The following PALLD variants were observed in gnomAD, a reference collection of about 807,000 sequenced individuals.
PALLD encodes the protein palladin.
Under a neutral mutation model 123.5 loss-of-function variants are expected in PALLD, and 61 were observed. That is an observed-to-expected ratio of 0.49 (90% CI 0.40 to 0.61). The LOEUF (loss-of-function observed/expected upper bound fraction) is 0.61, where lower values mean the gene tolerates loss of function less well. PALLD is among the 20% of genes least tolerant of loss of function. The pLI is 0.00. For missense variants in PALLD, 1,273 were observed against 1,377.0 expected (o/e 0.92, Z 1.20); for synonymous variants, 465 against 496.4 (o/e 0.94, Z 0.84).
chr4:168,808,637 A>C (rs536815026), intron 10 of PALLD, among the ~76,000 whole-genome samples: 85 of 152,336 alleles, frequency 5.6e-4, no homozygotes, highest in Admixed American at 1.6e-3. Flanking sequence ...TTTACAAAAG[A>C]GATTTATTGG....
intron 2 of PALLD, among the ~76,000 whole-genome samples, chr4:168,540,143 G>A (rs879158247): frequency 5.3e-5 from 8 of 152,096 alleles, no homozygotes; most frequent in Non-Finnish European, 5.9e-5. Context: ...TCTGTGCTGC[G>A]ACATGAGCCC....
At chr4:168,761,805 C>T (rs1732973447) in intron 10 of PALLD, among the ~76,000 whole-genome samples, 3 of 151,786 alleles carry the variant, frequency 2.0e-5, no homozygotes, top group South Asian at 2.1e-4. Context: ...GCCACCGTGC[C>T]CGGCAGGAAA....
chr4:168,679,107 G>GGT (rs370032946), intron 3 of PALLD, among the ~76,000 whole-genome samples: 200 of 126,878 alleles, frequency 1.6e-3, no homozygotes, highest in African/African-American at 2.1e-3. Context: ...GTTTATGGTG[G>GGT]GTGTGTGTGT....
At chr4:168,651,239 T>TATTATTAGGCTCA (rs1478014057) in intron 2 of PALLD, among the ~76,000 whole-genome samples, 2 of 152,220 alleles carry the variant, frequency 1.3e-5, no homozygotes, top group Non-Finnish European at 2.9e-5. Context: ...CTCAGTATAC[T>TATTATTAGGCTCA]AGTTATTAGG....
intron 10 of PALLD, among the ~76,000 whole-genome samples, chr4:168,778,525 C>T (rs1463688503): frequency 6.6e-6 from 1 of 152,070 alleles, no homozygotes; most frequent in Non-Finnish European, 1.5e-5. Context: ...CTTGCTGAAT[C>T]CCTTTAGGGC....
chr4:168,640,947 G>A lies in PALLD; in HGVS notation c.909-27243G>A, dbSNP rs550697753. Among the ~76,000 whole-genome samples, 174 of 152,282 alleles carry A rather than the reference G, an allele frequency of 1.1e-3. 1 individual carries two copies. The highest frequency in any genetic ancestry group is 2.0e-3 in the Non-Finnish European group (136 of 68,024). ...TTCCAGGCCGGGCACGGTGGCCTAC[G>A]CCTGTAATCCCAACACTTTGGGAGG... On this transcript the variant is annotated intron_variant, in intron 2 of 21. Coordinates refer to ENST00000505667, the MANE Select transcript of PALLD (RefSeq NM_001166108.2).
At chr4:168,752,904 T>G (rs930404432) in intron 10 of PALLD, among the ~76,000 whole-genome samples, 1 of 151,744 alleles carries the variant, frequency 6.6e-6, no homozygotes, top group South Asian at 2.1e-4. Context: ...TGAGGAGAAA[T>G]TTAGAGAGTG....
intron 2 of PALLD, among the ~76,000 whole-genome samples, chr4:168,547,967 C>T (rs1194092808): frequency 6.9e-6 from 1 of 145,936 alleles, no homozygotes; most frequent in Non-Finnish European, 1.5e-5. Context: ...AAAAAAAAAA[C>T]CTGGGAGGCG....
chr4:168,739,280 C>G (rs994848317), intron 10 of PALLD, among the ~76,000 whole-genome samples: 4 of 152,066 alleles, frequency 2.6e-5, no homozygotes, highest in African/African-American at 9.7e-5. Context: ...TGGATCAGTA[C>G]CCGGTGGTAG....
chr4:168,730,385 T>C (rs1787042049), intron 10 of PALLD, among the ~76,000 whole-genome samples: 1 of 152,326 alleles, frequency 6.6e-6, no homozygotes, highest in East Asian at 1.9e-4. Context: ...ATATTAATCA[T>C]TGGATTTTGG....
intron 2 of PALLD, among the ~76,000 whole-genome samples, chr4:168,654,110 G>A (rs1778328670): frequency 6.6e-6 from 1 of 152,096 alleles, no homozygotes; most frequent in Non-Finnish European, 1.5e-5. Flanking sequence ...TGGCTCATCA[G>A]TGATAATTTT....
rs548874369 is a variant in PALLD, at chr4:168,702,891, T to TTTTATTTA, written c.1502-6121_1502-6114dup. Reference sequence around the variant, plus strand: ...TGTTTTTATTTTATTTATTTATTTATTTTATTTATTTATTTATTTATTTTT... The same window carrying TTTTATTTA: ...TGTTTTTATTTTATTTATTTATTTATTTTATTTATTTATTTATTTATTTATTTATTTTT... On this transcript the variant is annotated intron_variant, in intron 8 of 21. Coordinates refer to ENST00000505667, the MANE Select transcript of PALLD (RefSeq NM_001166108.2). Among the ~76,000 whole-genome samples, 575 of 140,348 alleles carry TTTTATTTA rather than the reference T, an allele frequency of 4.1e-3. 2 individuals carry two copies. Among genetic ancestry groups the TTTTATTTA allele is most frequent in the African/African-American group, 0.015 (548 of 36,676 alleles). 92.1% of individuals were successfully genotyped at this position (140,348 alleles called of 152,430 possible).
At chr4:168,672,657 G>A (rs183585816) in intron 3 of PALLD, among the ~76,000 whole-genome samples, 7 of 151,996 alleles carry the variant, frequency 4.6e-5, no homozygotes, top group South Asian at 2.1e-4. Flanking sequence ...ATGGGGTTTC[G>A]CCGTGTTAGC....
rs535617951 is a variant in PALLD at position 168,824,283 on chromosome 4, AT to A, written c.1965-66632del. ...CAGAAATACATTTTTTTATTTTTTT[AT>A]TTTTTTACCAATCCTCTTAAGTGAA... On this transcript the variant is annotated intron_variant, in intron 10 of 21. Coordinates refer to ENST00000505667, the MANE Select transcript of PALLD (RefSeq NM_001166108.2). Among the ~76,000 whole-genome samples, 426 of 151,908 alleles carry A rather than the reference AT, an allele frequency of 2.8e-3. 4 individuals are homozygous for A. The highest frequency in any genetic ancestry group is 9.9e-3 in the African/African-American group (408 of 41,404).
At chr4:168,593,339 G>A (rs1401169979) in intron 2 of PALLD, among the ~76,000 whole-genome samples, 3 of 151,458 alleles carry the variant, frequency 2.0e-5, no homozygotes, top group Non-Finnish European at 4.4e-5. Context: ...ATTAAGGGGA[G>A]GAAGAGAGAC....
chr4:168,775,958 A>T (rs541082865), intron 10 of PALLD, among the ~76,000 whole-genome samples: 55 of 152,288 alleles, frequency 3.6e-4, no homozygotes, highest in African/African-American at 1.3e-3. Flanking sequence ...TTAAAATCAG[A>T]TGATGTTAGC....
At chr4:168,888,932 C>T (rs867526119) in intron 10 of PALLD, among the ~76,000 whole-genome samples, 2 of 152,018 alleles carry the variant, frequency 1.3e-5, no homozygotes, top group African/African-American at 2.4e-5. Context: ...TTAGGAGGGA[C>T]GGTGGCAGAG....
intron 10 of PALLD, among the ~76,000 whole-genome samples, chr4:168,878,684 G>GC (rs1752191984): frequency 1.5e-5 from 2 of 134,372 alleles, no homozygotes; most frequent in Non-Finnish European, 3.0e-5. Flanking sequence ...AATCATTATG[G>GC]GGGGGGGGGT....
intron 2 of PALLD, among the ~76,000 whole-genome samples, chr4:168,538,033 CCT>C (rs1289376302): frequency 3.9e-5 from 6 of 152,220 alleles, no homozygotes; most frequent in Admixed American, 2.0e-4. Context: ...GGATCTTTTC[CCT>C]GTTTTAACAC....
Sources: allele counts gnomAD v4.1 joint callset (sites outside exome capture counted in the v4.1 genomes callset), GRCh38; gene constraint gnomAD v4.1.1; transcripts MANE v1.5; gene names NCBI Gene and HGNC (gene_info 2026-07-23, HGNC 2026-07-21).